PCDHA12: variants seen among roughly 807,000 people sequenced by gnomAD.
The protein encoded by PCDHA12 is protocadherin alpha 12.
PCDHA12 carries 44 observed loss-of-function variants against 60.0 expected under a neutral mutation model. The observed-to-expected ratio is 0.73, with a 90% confidence interval of 0.58 to 0.94. The LOEUF is 0.94. Among genes scored for constraint, PCDHA12 ranks in the 40% least tolerant of loss-of-function variants. The probability of loss-of-function intolerance (pLI) is 0.00; values close to 1 mark genes in which losing one functional copy is unlikely to be tolerated. For missense variants in PCDHA12, 1,276 were observed against 1,239.7 expected (o/e 1.03, Z -0.44); for synonymous variants, 569 against 553.0 (o/e 1.03, Z -0.40).
intron 1 of PCDHA12, among the ~76,000 whole-genome samples, chr5:140,972,665 T>A (rs1554234345): frequency 6.7e-6 from 1 of 148,584 alleles, no homozygotes; most frequent in Non-Finnish European, 1.5e-5. Flanking sequence ...ACCAAATTTT[T>A]TTTTTTTTTT....
At chr5:141,005,701 CAAAAAAAAAAAAAA>C (rs59860837) in intron 3 of PCDHA12, among the ~76,000 whole-genome samples, 79 of 7,792 alleles carry the variant, frequency 0.01, 1 homozygote, top group Admixed American at 0.027. Flanking sequence ...AACTCCGTCT[CAAAAAAAAAAAAAA>C]AAAAAAAAAA....
At chr5:140,911,021 G>A (rs1340465729) in intron 1 of PCDHA12, among the ~76,000 whole-genome samples, 2 of 152,066 alleles carry the variant, frequency 1.3e-5, no homozygotes, top group African/African-American at 4.8e-5. Context: ...CTTTAGTCTA[G>A]TTATAGGTCT....
At position 141,011,145 on chromosome 5, in the gene PCDHA12, TCTC is replaced by T. The variant is rs1410974061; in HGVS notation, c.*1209_*1211del. The T allele has an allele frequency of 6.5e-6, 1 of 153,734 alleles. No individual in the cohort carries two copies. Among genetic ancestry groups the T allele is most frequent in the Non-Finnish European group, 1.5e-5 (1 of 68,036 alleles). 9.5% of individuals were successfully genotyped at this position (153,734 alleles called of 1,614,324 possible). A position where few individuals can be genotyped will look rare whatever the true frequency, so the allele number is the denominator to read the frequency against. On this transcript the variant is annotated 3_prime_UTR_variant, in exon 4 of 4. Transcript: ENST00000398631. Reference sequence around the variant, plus strand: ...TTATGTGCACTTTGATACACAACCTTCTCTAACCAACTATATATCAAGACCCAA... The same window carrying T: ...TTATGTGCACTTTGATACACAACCTTTAACCAACTATATATCAAGACCCAA...
intron 1 of PCDHA12, among the ~76,000 whole-genome samples, chr5:140,937,096 G>T (rs1173485186): frequency 4.1e-5 from 6 of 146,810 alleles, no homozygotes; most frequent in African/African-American, 1.5e-4. Context: ...GGAGTGCAGT[G>T]GCGCAGTCTC....
chr5:140,884,803 C>T, intron 1 of PCDHA12: 1 of 1,225,142 alleles, frequency 8.2e-7, no homozygotes, highest in Non-Finnish European at 1.1e-6. Context: ...AATTTAACAA[C>T]TCTGCTGTGG....
chr5:140,883,946 G>C lies in PCDHA12; in HGVS notation c.2367+6107G>C, dbSNP rs139225969. ...GCAGGTGTTCGTGCTGGACGAGAACGACAACGCTCCGGCGCTGCTGACGCC... is the reference window on the plus strand; with the variant it reads ...GCAGGTGTTCGTGCTGGACGAGAACCACAACGCTCCGGCGCTGCTGACGCC... On this transcript the variant is annotated intron_variant, in intron 1 of 3. Coordinates refer to ENST00000398631, the MANE Select transcript of PCDHA12 (RefSeq NM_018903.4). The C allele has an allele frequency of 4.8e-5, 77 of 1,613,392 alleles. No individual in the cohort carries two copies. In the African/African-American group the frequency reaches 8.8e-4, roughly 18 times the overall value.
chr5:140,897,964 T>A (rs1554187709), intron 1 of PCDHA12, among the ~76,000 whole-genome samples: 1 of 152,236 alleles, frequency 6.6e-6, no homozygotes, highest in South Asian at 2.1e-4. Flanking sequence ...TTTTCATGTG[T>A]CTTTTGGCTG....
intron 1 of PCDHA12, among the ~76,000 whole-genome samples, chr5:140,960,355 A>G (rs1489344440): frequency 6.6e-6 from 1 of 152,222 alleles, no homozygotes; most frequent in Admixed American, 6.5e-5. Flanking sequence ...ATGTACTGAA[A>G]TAATATGCCA....
chr5:140,946,080 A>T lies in PCDHA12; in HGVS notation c.2368-32869A>T, dbSNP rs74501731. ...GGGAGAAAATATTTGCAAACCACAG[A>T]TCTGATAAGGAGTTAACATACCAAA... On this transcript the variant is annotated intron_variant, in intron 1 of 3. Coordinates refer to ENST00000398631, the MANE Select transcript of PCDHA12 (RefSeq NM_018903.4). Among the ~76,000 whole-genome samples, 867 of 152,226 alleles carry T rather than the reference A, an allele frequency of 5.7e-3. 6 individuals carry two copies. Among genetic ancestry groups the T allele is most frequent in the African/African-American group, 0.02 (843 of 41,572 alleles).
intron 1 of PCDHA12, chr5:140,882,737 G>A (rs1375859660): frequency 6.2e-7 from 1 of 1,614,090 alleles, no homozygotes; most frequent in Admixed American, 1.7e-5. Flanking sequence ...ACTAGATGGC[G>A]CATCCGATGC....
intron 1 of PCDHA12, among the ~76,000 whole-genome samples, chr5:140,960,408 A>C (rs1006586468): frequency 6.6e-6 from 1 of 152,206 alleles, no homozygotes; most frequent in Admixed American, 6.5e-5. Flanking sequence ...GGGGGTGCCC[A>C]AAAAGTCAAC....
chr5:141,011,182 G>T lies in PCDHA12; in HGVS notation c.*1245G>T, dbSNP rs887034679. On this transcript the variant is annotated 3_prime_UTR_variant, in exon 4 of 4. Coordinates refer to ENST00000398631, the MANE Select transcript of PCDHA12 (RefSeq NM_018903.4). ...TATATATCAAGACCCAAAAATTGAA[G>T]AAAAATATTGTTTTCTCATACAGTG... 1.3e-5 allele frequency: 2 copies of T among 153,494 alleles called. No individual in the cohort carries two copies. Among genetic ancestry groups the T allele is most frequent in the Admixed American group, 6.6e-5 (1 of 15,254 alleles). The allele number at this position is 153,494 out of a possible 1,614,324, so 9.5% of individuals were successfully genotyped here.
At chr5:140,941,198 T>TCTTC (rs202127003) in intron 1 of PCDHA12, among the ~76,000 whole-genome samples, 5 of 119,810 alleles carry the variant, frequency 4.2e-5, no homozygotes, top group Non-Finnish European at 7.0e-5. Flanking sequence ...TTTTTTTCTT[T>TCTTC]CTTCCTTTCT....
At chr5:140,891,454 A>C (rs1562858065) in intron 1 of PCDHA12, among the ~76,000 whole-genome samples, 1 of 145,650 alleles carries the variant, frequency 6.9e-6, no homozygotes, top group East Asian at 2.1e-4. Context: ...AGGATTTTTG[A>C]ATTTGTGAAT....
Position 140,877,813 on chromosome 5 carries a change from GAA to G in PCDHA12, c.2342_2343del (p.Glu781GlyfsTer8). On this transcript the variant is annotated frameshift_variant, in exon 1 of 4. Coordinates refer to ENST00000398631, the MANE Select transcript of PCDHA12 (RefSeq NM_018903.4). LOFTEE classifies it high-confidence loss of function. ...CAGCCCAAGCCTTCAGCTGTCTCGA[GAA>G]GATTGTTTAAATCCTCCCAGTGAAG... ...AFSPSLQLSREDCLNPPSEPR... is the reference protein window; with the variant it reads ...AFSPSLQLSRXDCLNPPSEPR... The G allele has an allele frequency of 6.2e-7, 1 of 1,610,266 alleles. No individual in the cohort carries two copies. Among genetic ancestry groups the G allele is most frequent in the Non-Finnish European group, 8.5e-7 (1 of 1,178,678 alleles).
chr5:140,985,739 C>CTTT (rs11372071), intron 3 of PCDHA12, among the ~76,000 whole-genome samples: 39 of 117,922 alleles, frequency 3.3e-4, no homozygotes, highest in Non-Finnish European at 4.1e-4. Context: ...TGATGAATTC[C>CTTT]TTTTTTTTTT....
In PCDHA12 at chr5:141,009,994, C is replaced by T; in HGVS notation, c.*57C>T. 1.3e-6 allele frequency: 2 copies of T among 1,577,076 alleles called. No individual in the cohort carries two copies. Among genetic ancestry groups the T allele is most frequent in the South Asian group, 1.2e-5 (1 of 83,074 alleles). On this transcript the variant is annotated 3_prime_UTR_variant, in exon 4 of 4. Transcript: ENST00000398631. Reference sequence around the variant, plus strand: ...GTTTTTGTAATAATGGCAAATCTCTCCCATGTAGCAATTCCCTGCTCCTTT... The same window carrying T: ...GTTTTTGTAATAATGGCAAATCTCTTCCATGTAGCAATTCCCTGCTCCTTT...
intron 1 of PCDHA12, among the ~76,000 whole-genome samples, chr5:140,917,167 ATGG>A (rs1237150759): frequency 6.6e-6 from 1 of 152,160 alleles, no homozygotes; most frequent in African/African-American, 2.4e-5. Flanking sequence ...GGGAGGGGTG[ATGG>A]TGGTGATCCC....
chr5:140,924,647 C>G (rs1396293249), intron 1 of PCDHA12, among the ~76,000 whole-genome samples: 1 of 152,132 alleles, frequency 6.6e-6, no homozygotes, highest in East Asian at 1.9e-4. Context: ...GTAATCCCAG[C>G]ACTTTGGGAG....
Sources: gnomAD v4.1 joint callset for allele counts (sites outside exome capture counted in the v4.1 genomes callset) on GRCh38, gnomAD v4.1.1 for gene constraint, MANE v1.5 for transcripts, NCBI Gene and HGNC (gene_info 2026-07-23, HGNC 2026-07-21) for gene names.